CACNB2: variants seen among roughly 807,000 people sequenced by gnomAD.
The protein encoded by CACNB2 is calcium voltage-gated channel auxiliary subunit beta 2.
A neutral mutation model predicts 73.3 loss-of-function variants in CACNB2; 42 were observed. The ratio of observed to expected loss-of-function variants is 0.57; its 90% CI spans 0.45 to 0.74. The LOEUF is 0.74. Among genes scored for constraint, CACNB2 ranks in the 30% least tolerant of loss-of-function variants. CACNB2 has a pLI of 0.00. For missense variants in CACNB2, 940 were observed against 853.0 expected, an observed-to-expected ratio of 1.10 and a Z score of -1.27; for synonymous variants, 348 against 310.3, an observed-to-expected ratio of 1.12 and a Z score of -1.28.
At chr10:18,515,320 A>T (rs532271461) in intron 7 of CACNB2, among the ~76,000 whole-genome samples, 72 of 144,882 alleles carry the variant, frequency 5.0e-4, no homozygotes, top group African/African-American at 1.8e-3. Flanking sequence ...CTCCCCCCAA[A>T]TTTCCCTTTT....
intron 2 of CACNB2, among the ~76,000 whole-genome samples, chr10:18,360,543 A>G (rs1364261555): frequency 6.6e-6 from 1 of 152,174 alleles, no homozygotes; most frequent in Admixed American, 6.5e-5. Flanking sequence ...TGTTAAGGCA[A>G]TATTTATGCT....
intron 2 of CACNB2, among the ~76,000 whole-genome samples, chr10:18,182,873 T>C (rs2131221687): frequency 6.6e-6 from 1 of 152,086 alleles, no homozygotes; most frequent in East Asian, 1.9e-4. Context: ...AGCGTTAACA[T>C]TATTAATATC....
At chr10:18,337,662 A>G (rs1054090081) in intron 2 of CACNB2, among the ~76,000 whole-genome samples, 1 of 152,112 alleles carries the variant, frequency 6.6e-6, no homozygotes, top group Non-Finnish European at 1.5e-5. Flanking sequence ...TCCCCTCACT[A>G]ACGCTTCCAA....
chr10:18,320,099 C>T lies in CACNB2; in HGVS notation c.214-81825C>T, dbSNP rs376348259. On this transcript the variant is annotated intron_variant, in intron 2 of 13. Transcript: ENST00000324631. ...CTCCCCGATCCACTTTCATGCCGAC[C>T]CCGCCACCCCAAGGACCTGTCAGCT... is the stretch of plus-strand genomic sequence containing the variant. Among the ~76,000 whole-genome samples the T allele has an allele frequency of 7.6e-5, 10 of 131,480 alleles. No individual in the cohort carries two copies. The East Asian group carries it at 9.7e-4, about 13-fold the overall frequency. The allele number at this position is 131,480 out of a possible 152,430, so 86.3% of individuals were successfully genotyped here. A position where few individuals can be genotyped will look rare whatever the true frequency, so the allele number is the denominator to read the frequency against.
At chr10:18,202,294 A>C (rs951124536) in intron 2 of CACNB2, among the ~76,000 whole-genome samples, 24 of 152,280 alleles carry the variant, frequency 1.6e-4, no homozygotes, top group Admixed American at 9.2e-4. Flanking sequence ...AGGTTATCTT[A>C]TGTGATTTGG....
rs536133287 is a variant in CACNB2 at position 18,401,212 on chromosome 10, T to C, written c.214-712T>C. ...TTTGATTTGGTTAATCGGATCATGA[T>C]TGCAGGAGAGGGAAGCTAGGGAGAT... On this transcript the variant is annotated intron_variant, in intron 2 of 13. Transcript: ENST00000324631. 8.5e-6 allele frequency: 11 copies of C among 1,291,732 alleles called. No homozygotes were observed. In the South Asian group the frequency reaches 8.7e-5, roughly 10 times the overall value. 80.0% of individuals were successfully genotyped at this position (1,291,732 alleles called of 1,614,324 possible). A position where few individuals can be genotyped will look rare whatever the true frequency, so the allele number is the denominator to read the frequency against.
Position 18,400,962 on chromosome 10 carries a change from G to C in CACNB2, c.214-962G>C, listed in dbSNP as rs1308946787. Reference sequence around the variant, plus strand: ...GATAGGAAAGGAGCTGGGGTTCTCCGGGGCTCAGCGCGCACTGAGAACCTG... The same window carrying C: ...GATAGGAAAGGAGCTGGGGTTCTCCCGGGCTCAGCGCGCACTGAGAACCTG... On this transcript the variant is annotated intron_variant, in intron 2 of 13. Coordinates refer to ENST00000324631, the MANE Select transcript of CACNB2 (RefSeq NM_201596.3). 8.7e-6 allele frequency: 14 copies of C among 1,610,556 alleles called. No homozygotes were observed. In the East Asian group the frequency reaches 1.3e-4, roughly 15 times the overall value.
intron 2 of CACNB2, among the ~76,000 whole-genome samples, chr10:18,269,981 T>C (rs2037981166): frequency 6.6e-6 from 1 of 152,234 alleles, no homozygotes; most frequent in African/African-American, 2.4e-5. Context: ...GTGCAGGCTG[T>C]TATTTTCTTC....
chr10:18,208,316 CT>C lies in CACNB2; in HGVS notation c.213+57349del, dbSNP rs544871179. Among the ~76,000 whole-genome samples the C allele has an allele frequency of 1.8e-3, 281 of 152,050 alleles. 1 individual carries two copies. The highest frequency in any genetic ancestry group is 6.6e-3 in the African/African-American group (273 of 41,460). On this transcript the variant is annotated intron_variant, in intron 2 of 13. Coordinates refer to ENST00000324631, the MANE Select transcript of CACNB2 (RefSeq NM_201596.3). ...ACCCTATCTGTACACACACAAAAAA[CT>C]TTTTTTTAATTAGTGGAATGTAGTG...
chr10:18,411,007 C>A (rs1425931003), intron 3 of CACNB2, among the ~76,000 whole-genome samples: 1 of 151,898 alleles, frequency 6.6e-6, no homozygotes, highest in Non-Finnish European at 1.5e-5. Flanking sequence ...AGATAAAAAT[C>A]CAGCAGCGAT....
intron 2 of CACNB2, among the ~76,000 whole-genome samples, chr10:18,177,309 T>C (rs2033651956): frequency 1.3e-5 from 2 of 152,078 alleles, no homozygotes; most frequent in African/African-American, 4.8e-5. Flanking sequence ...CAGAGGGTTT[T>C]GGGATGTTCA....
chr10:18,370,745 G>A (rs1239720253), intron 2 of CACNB2, among the ~76,000 whole-genome samples: 1 of 152,084 alleles, frequency 6.6e-6, no homozygotes, highest in Admixed American at 6.5e-5. Context: ...AGTAATCCAA[G>A]CTTACATATC....
intron 3 of CACNB2, among the ~76,000 whole-genome samples, chr10:18,478,247 C>G (rs1296205571): frequency 6.6e-6 from 1 of 152,038 alleles, no homozygotes; most frequent in African/African-American, 2.4e-5. Context: ...TTTTATTTTC[C>G]TTTTACAAGT....
At chr10:18,463,045 C>G (rs1488913697) in intron 3 of CACNB2, among the ~76,000 whole-genome samples, 1 of 152,230 alleles carries the variant, frequency 6.6e-6, no homozygotes, top group East Asian at 1.9e-4. Flanking sequence ...GCAAGAGCCA[C>G]CGCACCCGGC....
rs77325396 is a variant in CACNB2, at chr10:18,413,340, G to A, written c.333+11297G>A. ...GAATGAAGGGTTTCACCTCAGGAGC[G>A]AGCTTTAAACCACTGCCATCTTCCC... On this transcript the variant is annotated intron_variant, in intron 3 of 13. Transcript: ENST00000324631. Among the ~76,000 whole-genome samples the A allele has an allele frequency of 2.1e-3, 321 of 152,232 alleles. 3 individuals are homozygous for A. In the East Asian group the frequency reaches 0.039, roughly 19 times the overall value.
intron 2 of CACNB2, among the ~76,000 whole-genome samples, chr10:18,279,435 T>C (rs1008056078): frequency 6.6e-6 from 1 of 152,234 alleles, no homozygotes; most frequent in Non-Finnish European, 1.5e-5. Context: ...ATTCATGTCT[T>C]TGTCATCTCT....
In CACNB2 at chr10:18,306,477, C is replaced by T. The variant is rs16917166; in HGVS notation, c.214-95447C>T. ...TAGATTCCATAATGGTTCCCATCAGCCTTGTTGCAGTAGAAATGAGGTCCT... is the reference window on the plus strand; with the variant it reads ...TAGATTCCATAATGGTTCCCATCAGTCTTGTTGCAGTAGAAATGAGGTCCT... On this transcript the variant is annotated intron_variant, in intron 2 of 13. Transcript: ENST00000324631. Among the ~76,000 whole-genome samples the T allele has an allele frequency of 5.3e-3, 809 of 152,162 alleles. 16 individuals carry two copies. Among genetic ancestry groups the T allele is most frequent in the East Asian group, 0.024 (123 of 5,188 alleles).
intron 3 of CACNB2, among the ~76,000 whole-genome samples, chr10:18,414,483 C>CTTTTTT (rs11384501): frequency 7.6e-6 from 1 of 132,202 alleles, no homozygotes; most frequent in Non-Finnish European, 1.6e-5. Context: ...TTACTACTAC[C>CTTTTTT]TTTTTTTTTT....
intron 7 of CACNB2, among the ~76,000 whole-genome samples, chr10:18,515,484 T>C (rs913808218): frequency 5.9e-5 from 9 of 152,230 alleles, no homozygotes; most frequent in African/African-American, 2.2e-4. Context: ...CTCCACATAA[T>C]GAACACTTTT....
Sources: allele counts gnomAD v4.1 joint callset (sites outside exome capture counted in the v4.1 genomes callset), GRCh38; gene constraint gnomAD v4.1.1; transcripts MANE v1.5; gene names NCBI Gene and HGNC (gene_info 2026-07-23, HGNC 2026-07-21).